Variants in RPGRIP1 observed in about 807,000 individuals in gnomAD.
The protein encoded by RPGRIP1 is X-linked retinitis pigmentosa GTPase regulator-interacting protein 1.
Under a neutral mutation model 157.9 loss-of-function variants are expected in RPGRIP1, and 128 were observed. The ratio of observed to expected loss-of-function variants is 0.81; its 90% CI spans 0.70 to 0.94. The LOEUF (loss-of-function observed/expected upper bound fraction) is 0.94. Among genes scored for constraint, RPGRIP1 ranks in the 40% least tolerant of loss-of-function variants. The pLI, the probability that RPGRIP1 is intolerant of heterozygous loss-of-function variation, is 0.00. For synonymous variants in RPGRIP1, 554 were observed against 571.6 expected (o/e 0.97, Z 0.44); for missense variants, 1,486 against 1,545.8 (o/e 0.96, Z 0.65).
chr14:21,351,069 A>C, intron 24 of RPGRIP1, 35 bp from the exon 25 acceptor site: 1 of 1,245,684 alleles, frequency 8.0e-7, no homozygotes, highest in Non-Finnish European at 1.2e-6. Context: ...AAAGTGTTCA[A>C]CTGAGTGATG....
At chr14:21,287,829 G>C in intron 1 of RPGRIP1, 110 bp from the exon 2 acceptor site, 1 of 600,562 alleles carries the variant, frequency 1.7e-6, no homozygotes, top group East Asian at 2.7e-5. Context: ...ACTCTGACAT[G>C]TCATATACCA....
At position 21,303,366 on chromosome 14, in the gene RPGRIP1, G is replaced by C. The variant is rs1423078039; in HGVS notation, c.623G>C (p.Ser208Thr). 1.2e-6 allele frequency: 2 copies of C among 1,613,592 alleles called. No individual in the cohort carries two copies. The highest frequency in any genetic ancestry group is 1.7e-6 in the Non-Finnish European group (2 of 1,179,700). ...SGSNSIISFS[S>T]VISMAKPIGL... is the part of the protein sequence containing the mutation. The stretch of plus-strand genomic sequence containing the variant: ...TCTAACAGCATAATTTCTTTCAGCA[G>C]TGTCATAAGTATGGCTAAACCCATT... The change falls in exon 6 of 25, where the codon AGT becomes ACT. Residue 208 changes from serine to threonine, a missense_variant. Transcript: ENST00000400017.
At chr14:21,310,758 A>G (rs1258867910) in intron 8 of RPGRIP1, among the ~76,000 whole-genome samples, 151 bp downstream of exon 8, 1 of 152,210 alleles carries the variant, frequency 6.6e-6, no homozygotes, top group African/African-American at 2.4e-5. Flanking sequence ...AAATGATACT[A>G]TTATGATTAT....
At chr14:21,286,504 A>T (rs756073651) in intron 1 of RPGRIP1, among the ~76,000 whole-genome samples, 17 of 151,868 alleles carry the variant, frequency 1.1e-4, no homozygotes, top group Non-Finnish European at 2.4e-4. Flanking sequence ...GTTTAAAAAA[A>T]TAAGAAATTG....
intron 6 of RPGRIP1, among the ~76,000 whole-genome samples, chr14:21,304,420 A>AAAGAAAGAAAGAAAGGAAGG (rs758138921): frequency 1.3e-5 from 2 of 150,818 alleles, no homozygotes; most frequent in East Asian, 4.0e-4. Flanking sequence ...AGAAAGAAAG[A>AAAGAAAGAAAGAAAGGAAGG]AAGAAAGAAA....
At chr14:21,333,410 C>G (rs1258205682) in intron 20 of RPGRIP1, among the ~76,000 whole-genome samples, 1 of 152,174 alleles carries the variant, frequency 6.6e-6, no homozygotes, top group Non-Finnish European at 1.5e-5. Flanking sequence ...CAACCCAAGA[C>G]TTTGAAATTT....
In RPGRIP1 at chr14:21,311,855, C is replaced by A; in HGVS notation, c.962C>A (p.Ala321Asp). ...GGAATCCTGAGTGCAGCCCATGAGG[C>A]CCTCCTCAAGCAAGTGAATGAGCTC... is the stretch of plus-strand genomic sequence containing the variant. ...NQGILSAAHEALLKQVNELRA... is the reference protein window; with the variant it reads ...NQGILSAAHEDLLKQVNELRA... The change falls in exon 9 of 25, where the codon GCC becomes GAC. Residue 321 changes from alanine to aspartate, a missense_variant. Ala to Asp is a moderately radical substitution (Grantham distance 126). Coordinates refer to ENST00000400017, the MANE Select transcript of RPGRIP1 (RefSeq NM_020366.4). 6.2e-7 allele frequency: 1 copy of A among 1,609,930 alleles called. No individual in the cohort carries two copies. Among genetic ancestry groups the A allele is most frequent in the Non-Finnish European group, 8.5e-7 (1 of 1,178,386 alleles).
intron 22 of RPGRIP1, 105 bp from the exon 23 acceptor site, chr14:21,345,008 C>G: frequency 2.7e-6 from 2 of 753,158 alleles, no homozygotes; most frequent in Non-Finnish European, 4.8e-6. Flanking sequence ...GGCAAGGAGT[C>G]TAATCTTTTT....
At chr14:21,319,327 C>T (rs981322962) in intron 11 of RPGRIP1, among the ~76,000 whole-genome samples, 7 of 152,034 alleles carry the variant, frequency 4.6e-5, no homozygotes, top group East Asian at 1.9e-4. Flanking sequence ...ATTGGGAGGC[C>T]GAGGCCAGCA....
chr14:21,336,770 T>G (rs937572000), intron 21 of RPGRIP1, among the ~76,000 whole-genome samples: 1 of 152,152 alleles, frequency 6.6e-6, no homozygotes, highest in African/African-American at 2.4e-5. Flanking sequence ...GTTTTTAAAC[T>G]GCGCAACCTC....
In RPGRIP1 at chr14:21,328,430, A is replaced by G. The variant is rs552951112; in HGVS notation, c.2902A>G (p.Met968Val). The G allele has an allele frequency of 6.8e-6, 11 of 1,610,018 alleles. No individual in the cohort carries two copies. In the East Asian group the frequency reaches 2.0e-4, roughly 29 times the overall value. The change falls in exon 19 of 25, where the codon ATG becomes GTG. Residue 968 changes from methionine to valine, a missense_variant. Met to Val is a conservative substitution (Grantham distance 21). Transcript: ENST00000400017. ...EKASFPSQDQ[M>V]ASPEVPIEAG... is the part of the protein sequence containing the mutation. ...CTCTGATCTTTCTATTCAGGATCAG[A>G]TGGCATCTCCTGAGGTTCCCATTGA... is the stretch of plus-strand genomic sequence containing the variant.
At chr14:21,320,747 T>C (rs1204094768) in intron 12 of RPGRIP1, among the ~76,000 whole-genome samples, 2 of 151,688 alleles carry the variant, frequency 1.3e-5, no homozygotes, top group Non-Finnish European at 1.5e-5. Flanking sequence ...TTACAGGTGC[T>C]TGCCACCACA....
At position 21,296,036 on chromosome 14, in the gene RPGRIP1, A is replaced by G. The variant is rs1370669482; in HGVS notation, c.218+1227A>G. The stretch of plus-strand genomic sequence containing the variant: ...CTGCAACCTCCACCTCCCAGGTTCA[A>G]GCAACTCTCCTGTCTCAGCCTCCCA... On this transcript the variant is annotated intron_variant, in intron 3 of 24. Coordinates refer to ENST00000400017, the MANE Select transcript of RPGRIP1 (RefSeq NM_020366.4). Among the ~76,000 whole-genome samples, 3 of 151,902 alleles carry G rather than the reference A, an allele frequency of 2.0e-5. No homozygotes were observed. In the East Asian group the frequency reaches 5.8e-4, roughly 29 times the overall value.
In RPGRIP1 at chr14:21,325,222, T is replaced by G; in HGVS notation, c.2216-10T>G. ...GTATTCCCCCTGCTTTCACACTTTCTGCTACCCAGGAGCTGGTGGAGAAGA... is the reference window on the plus strand; with the variant it reads ...GTATTCCCCCTGCTTTCACACTTTCGGCTACCCAGGAGCTGGTGGAGAAGA... On this transcript the variant is annotated splice_polypyrimidine_tract_variant and intron_variant, in intron 15 of 24. Coordinates refer to ENST00000400017, the MANE Select transcript of RPGRIP1 (RefSeq NM_020366.4). 1 of 1,595,010 alleles carries G rather than the reference T, an allele frequency of 6.3e-7. No homozygotes were observed. Among genetic ancestry groups the G allele is most frequent in the Non-Finnish European group, 8.5e-7 (1 of 1,171,966 alleles).
intron 21 of RPGRIP1, among the ~76,000 whole-genome samples, chr14:21,341,727 G>A (rs1360535010): frequency 6.6e-6 from 1 of 152,056 alleles, no homozygotes; most frequent in African/African-American, 2.4e-5. Context: ...GAAAGGACAG[G>A]GTGATGGCAG....
chr14:21,321,569 A>T (rs958487816), intron 13 of RPGRIP1, 167 bp downstream of exon 13: 6 of 1,347,692 alleles, frequency 4.5e-6, no homozygotes, highest in Non-Finnish European at 5.9e-6. Context: ...GGACTCACAC[A>T]TGCCCACGGC....
At chr14:21,319,044 T>A (rs1882104713) in intron 11 of RPGRIP1, among the ~76,000 whole-genome samples, 4 of 152,148 alleles carry the variant, frequency 2.6e-5, no homozygotes, top group Admixed American at 2.0e-4. Context: ...AATTTATATC[T>A]CATCAAGTTT....
At chr14:21,303,659 G>A (rs1442934826) in intron 6 of RPGRIP1, 116 bp downstream of exon 6, 10 of 783,190 alleles carry the variant, frequency 1.3e-5, no homozygotes, top group East Asian at 2.6e-5. Context: ...AAATTCAATC[G>A]GAGTAGTAGA....
At position 21,317,490 on chromosome 14, in the gene RPGRIP1, C is replaced by G. The variant is rs1881884109; in HGVS notation, c.1152-206C>G. On this transcript the variant is annotated intron_variant, in intron 10 of 24. Transcript: ENST00000400017. Reference sequence around the variant, plus strand: ...CTCAGTCAGATATCTGAGACCTAAACAGAAATGGTACTGAGCAATAACTCA... The same window carrying G: ...CTCAGTCAGATATCTGAGACCTAAAGAGAAATGGTACTGAGCAATAACTCA... 6 of 1,302,600 alleles carry G rather than the reference C, an allele frequency of 4.6e-6. No homozygotes were observed. The African/African-American group carries it at 5.9e-5, about 13-fold the overall frequency. 80.7% of individuals were successfully genotyped at this position (1,302,600 alleles called of 1,614,324 possible).
Sources: gnomAD v4.1 joint callset for allele counts (sites outside exome capture counted in the v4.1 genomes callset) on GRCh38, gnomAD v4.1.1 for gene constraint, MANE v1.5 for transcripts, NCBI Gene and HGNC (gene_info 2026-07-23, HGNC 2026-07-21) for gene names.